PLA2G4F: variants seen among roughly 807,000 people sequenced by gnomAD.
PLA2G4F encodes the protein phospholipase A2 group IVF, also known as cytosolic phospholipase A2 zeta.
A neutral mutation model predicts 103.1 loss-of-function variants in PLA2G4F; 105 were observed. The observed-to-expected ratio is 1.02, with a 90% CI of 0.87 to 1.20. The LOEUF is 1.20. Ranked by LOEUF, PLA2G4F falls within the 50% of genes most tolerant of loss-of-function variation. The pLI is 0.00. For synonymous variants in PLA2G4F, 468 were observed against 441.1 expected, an observed-to-expected ratio of 1.06 and a Z score of -0.76; for missense variants, 1,155 against 1,075.9, an observed-to-expected ratio of 1.07 and a Z score of -1.03.
chr15:42,142,883 A>T (rs1160566761), intron 18 of PLA2G4F, among the ~76,000 whole-genome samples, 169 bp from the exon 19 acceptor site: 1 of 152,018 alleles, frequency 6.6e-6, no homozygotes, highest in Non-Finnish European at 1.5e-5. Flanking sequence ...GTAAAATAAA[A>T]AATTTTTAAA....
chr15:42,149,295 G>T, intron 11 of PLA2G4F: 1 of 612,352 alleles, frequency 1.6e-6, no homozygotes, highest in Non-Finnish European at 2.0e-6. Context: ...GTCCTTAGAA[G>T]AGGAGGAGGA....
rs965605150 is a variant in PLA2G4F, at chr15:42,142,210, G to A, written c.2330-6C>T. The A allele has an allele frequency of 2.5e-6, 4 of 1,605,920 alleles. No individual in the cohort carries two copies. The African/African-American group carries it at 4.0e-5, about 16-fold the overall frequency. ...AGCTGTTTGTCGCTCCACACCTGTG[G>A]GTGGGGGAAGCAGAGGAGAGGCCAG... On this transcript the variant is annotated splice_polypyrimidine_tract_variant and splice_region_variant and intron_variant, in intron 19 of 19. Transcript: ENST00000397272.
At position 42,139,928 on chromosome 15, in the gene PLA2G4F, C is replaced by T. The variant is rs1299472136; in HGVS notation, c.*2056G>A. 2 of 152,306 alleles carry T rather than the reference C, an allele frequency of 1.3e-5. No homozygotes were observed. The highest frequency in any genetic ancestry group is 2.9e-5 in the Non-Finnish European group (2 of 68,110). 9.4% of individuals were successfully genotyped at this position (152,306 alleles called of 1,614,324 possible). ...CTCTGCACAAGCCCACGTTTGCCTC[C>T]TTCACAAGCCTTGCTGGCCTGCGGG... On this transcript the variant is annotated 3_prime_UTR_variant, in exon 20 of 20. Transcript: ENST00000397272.
rs1247757033 is a variant in PLA2G4F, at chr15:42,141,136, TG to T, written c.*847del. Reference sequence around the variant, plus strand: ...ACCTCCAGGAACTTGCACACCCTCCTGCCCCACATACAGGTGCACACCTCTC... The same window carrying T: ...ACCTCCAGGAACTTGCACACCCTCCTCCCCACATACAGGTGCACACCTCTC... On this transcript the variant is annotated 3_prime_UTR_variant, in exon 20 of 20. Transcript: ENST00000397272. 2.4e-6 allele frequency: 1 copy of T among 424,876 alleles called. No homozygotes were observed. The highest frequency in any genetic ancestry group is 2.0e-5 in the African/African-American group (1 of 49,708). The allele number at this position is 424,876 out of a possible 1,614,324, so 26.3% of individuals were successfully genotyped here. A position where few individuals can be genotyped will look rare whatever the true frequency, so the allele number is the denominator to read the frequency against.
In PLA2G4F at chr15:42,141,168, A is replaced by G. The variant is rs1432758792; in HGVS notation, c.*816T>C. On this transcript the variant is annotated 3_prime_UTR_variant, in exon 20 of 20. Transcript: ENST00000397272. ...CATACAGGTGCACACCTCTCCCCCG[A>G]TGAACTGATGCCCCTACTAGACACA... 6 of 451,216 alleles carry G rather than the reference A, an allele frequency of 1.3e-5. No individual in the cohort carries two copies. The highest frequency in any genetic ancestry group is 4.5e-6 in the Non-Finnish European group (1 of 223,188). The allele number at this position is 451,216 out of a possible 1,614,324, so 28.0% of individuals were successfully genotyped here.
chr15:42,141,827 T>A lies in PLA2G4F; in HGVS notation c.*157A>T. Reference sequence around the variant, plus strand: ...GCCCTGCCCCAGTCCAAGCTGCAATTCTGCAAGAGCTTTCCGGGGCCTGGG... The same window carrying A: ...GCCCTGCCCCAGTCCAAGCTGCAATACTGCAAGAGCTTTCCGGGGCCTGGG... On this transcript the variant is annotated 3_prime_UTR_variant, in exon 20 of 20. Coordinates refer to ENST00000397272, the MANE Select transcript of PLA2G4F (RefSeq NM_213600.4). 2 of 734,826 alleles carry A rather than the reference T, an allele frequency of 2.7e-6. No homozygotes were observed. The highest frequency in any genetic ancestry group is 4.4e-6 in the Non-Finnish European group (2 of 451,376). 45.5% of individuals were successfully genotyped at this position (734,826 alleles called of 1,614,324 possible).
chr15:42,155,905 CAGCTGTGAG>C (rs2049010543), intron 1 of PLA2G4F, among the ~76,000 whole-genome samples: 1 of 152,174 alleles, frequency 6.6e-6, no homozygotes, highest in Admixed American at 6.5e-5. Flanking sequence ...AGCTTGGGAG[CAGCTGTGAG>C]AGCTGTGCTA....
At chr15:42,142,237 A>G (rs780799854) in intron 19 of PLA2G4F, 33 bp from the exon 20 acceptor site, 2 of 1,571,870 alleles carry the variant, frequency 1.3e-6, no homozygotes, top group South Asian at 1.2e-5. Flanking sequence ...AGAGGCCAGG[A>G]TGGAGCCCTC....
At chr15:42,148,062 A>G (rs941315561) in intron 11 of PLA2G4F, among the ~76,000 whole-genome samples, 2 of 152,072 alleles carry the variant, frequency 1.3e-5, no homozygotes, top group African/African-American at 4.8e-5. Flanking sequence ...GCCTGCCTGT[A>G]GTCCCAGCTA....
At chr15:42,146,305 T>C (rs2048884706) in intron 13 of PLA2G4F, 64 bp from the exon 14 acceptor site, 2 of 1,482,262 alleles carry the variant, frequency 1.3e-6, no homozygotes, top group African/African-American at 1.4e-5. Flanking sequence ...CCCCGTGGCC[T>C]GGGGCCGGCA....
chr15:42,145,907 G>A lies in PLA2G4F; in HGVS notation c.1535-4C>T, dbSNP rs957522489. The A allele has an allele frequency of 1.2e-6, 2 of 1,613,568 alleles. No individual in the cohort carries two copies. The highest frequency in any genetic ancestry group is 2.7e-5 in the African/African-American group (2 of 74,936). On this transcript the variant is annotated splice_polypyrimidine_tract_variant and splice_region_variant and intron_variant, in intron 14 of 19. Transcript: ENST00000397272. ...TAGGGCGTGAACTCGCACCACTCTA[G>A]GGGCCCGAGTGAAGGGAAAGTCACC...
Position 42,150,404 on chromosome 15 carries a change from TGGC to T in PLA2G4F, c.851_853del (p.Gly284_Gln285delinsGlu), listed in dbSNP as rs2048944270. On this transcript the variant is annotated inframe_deletion, in exon 9 of 20. Transcript: ENST00000397272. ...CAGGGCCACAGAACACTGTTCCTCC[TGGC>T]CTAGGGGCAGAGAGGAGAGCAGGAT... The T allele has an allele frequency of 1.2e-6, 2 of 1,612,858 alleles. No individual in the cohort carries two copies. Among genetic ancestry groups the T allele is most frequent in the Admixed American group, 1.7e-5 (1 of 59,900 alleles).
At chr15:42,148,685 G>A (rs986594234) in intron 11 of PLA2G4F, 5 of 985,300 alleles carry the variant, frequency 5.1e-6, no homozygotes, top group Non-Finnish European at 6.0e-6. Context: ...GGCACCAAAG[G>A]TGCCCAGAGG....
intron 13 of PLA2G4F, chr15:42,146,575 T>C (rs949431866): frequency 1.1e-5 from 3 of 270,136 alleles, no homozygotes; most frequent in Admixed American, 9.4e-5. Context: ...AATAAATTAC[T>C]AGAAAACGTG....
In PLA2G4F at chr15:42,141,134, C is replaced by T. The variant is rs1332014006; in HGVS notation, c.*850G>A. 2.4e-6 allele frequency: 1 copy of T among 423,444 alleles called. No individual in the cohort carries two copies. The highest frequency in any genetic ancestry group is 2.0e-5 in the African/African-American group (1 of 49,686). 26.2% of individuals were successfully genotyped at this position (423,444 alleles called of 1,614,324 possible). On this transcript the variant is annotated 3_prime_UTR_variant, in exon 20 of 20. Transcript: ENST00000397272. ...CCACCTCCAGGAACTTGCACACCCTCCTGCCCCACATACAGGTGCACACCT... is the reference window on the plus strand; with the variant it reads ...CCACCTCCAGGAACTTGCACACCCTTCTGCCCCACATACAGGTGCACACCT...
At chr15:42,148,549 T>C in intron 11 of PLA2G4F, 2 of 919,992 alleles carry the variant, frequency 2.2e-6, no homozygotes, top group Non-Finnish European at 2.6e-6. Flanking sequence ...GCAGCAACAA[T>C]GAAATCGATC....
intron 10 of PLA2G4F, 127 bp from the exon 11 acceptor site, chr15:42,149,975 C>A (rs2048938017): frequency 6.5e-7 from 1 of 1,532,034 alleles, no homozygotes. Context: ...GCACCAGAAC[C>A]AGGGAGGGAA....
At position 42,141,258 on chromosome 15, in the gene PLA2G4F, G is replaced by C. The variant is rs1338791218; in HGVS notation, c.*726C>G. On this transcript the variant is annotated 3_prime_UTR_variant, in exon 20 of 20. Coordinates refer to ENST00000397272, the MANE Select transcript of PLA2G4F (RefSeq NM_213600.4). ...GATGTGGCCACTACACACATCACCA[G>C]AGACTGTGGTCCAGGTTCGAAGAGT... 4.4e-6 allele frequency: 2 copies of C among 456,734 alleles called. No homozygotes were observed. Among genetic ancestry groups the C allele is most frequent in the Non-Finnish European group, 4.4e-6 (1 of 226,990 alleles). 28.3% of individuals were successfully genotyped at this position (456,734 alleles called of 1,614,324 possible). A position where few individuals can be genotyped will look rare whatever the true frequency, so the allele number is the denominator to read the frequency against.
intron 13 of PLA2G4F, chr15:42,146,722 C>T (rs757454348): frequency 5.8e-5 from 13 of 225,452 alleles, no homozygotes; most frequent in East Asian, 4.4e-4. Context: ...AGCAGCCAGG[C>T]GGAGTGAGTT....
Sources: allele counts gnomAD v4.1 joint callset (sites outside exome capture counted in the v4.1 genomes callset), GRCh38; gene constraint gnomAD v4.1.1; transcripts MANE v1.5; gene names NCBI Gene and HGNC (gene_info 2026-07-23, HGNC 2026-07-21).